Variants in FLNA observed in about 807,000 individuals in gnomAD.
FLNA encodes the protein filamin-A.
A neutral mutation model predicts 157.6 loss-of-function variants in FLNA; 7 were observed. That is an observed-to-expected ratio of 0.04 (90% confidence interval 0.03 to 0.08). The LOEUF (loss-of-function observed/expected upper bound fraction) is 0.08. Ranked by LOEUF, FLNA falls within the 10% of genes least tolerant of loss-of-function variation. The pLI, the probability that FLNA is intolerant of heterozygous loss-of-function variation, is 1.00. For synonymous variants in FLNA, 1,103 were observed against 1,060.8 expected, an observed-to-expected ratio of 1.04 and a Z score of -0.77; for missense variants, 1,750 against 2,398.4, an observed-to-expected ratio of 0.73 and a Z score of 5.65.
intron 47 of FLNA, 36 bp from the exon 48 acceptor site, chrX:154,349,072 C>A (rs782350084): frequency 6.2e-6 from 7 of 1,137,829 alleles, no homozygotes; most frequent in Non-Finnish European, 7.1e-6. Flanking sequence ...CAGGTCCCAG[C>A]CCCCTTCCTC....
At chrX:154,355,110 G>A (rs371671769) in intron 30 of FLNA, 38 bp from the exon 31 acceptor site, 52 of 1,182,205 alleles carry the variant, frequency 4.4e-5, no homozygotes, top group Admixed American at 6.7e-5. Flanking sequence ...GGGGGCCAGC[G>A]TGTGAGCTCG....
Position 154,352,348 on chromosome X carries a change from C to T in FLNA, c.6602G>A (p.Arg2201His), listed in dbSNP as rs368547421. 4.1e-6 allele frequency: 5 copies of T among 1,210,799 alleles called. No homozygotes were observed. In the African/African-American group the frequency reaches 7.0e-5, roughly 17 times the overall value. ...VEGENHTYCI[R>H]FVPAEMGTHT... ...TGTGCCCATCTCAGCGGGAACAAAGCGGATGCAGTAGGTGTGGTTCTCCCC... is the reference window on the plus strand; with the variant it reads ...TGTGCCCATCTCAGCGGGAACAAAGTGGATGCAGTAGGTGTGGTTCTCCCC... Residue 2201 changes from arginine to histidine, a missense_variant, in exon 41 of 48, where the codon CGC becomes CAC. By Grantham distance (29) the Arg-to-His change is conservative. Transcript: ENST00000369850.
Position 154,364,124 on chromosome X carries a change from G to C in FLNA, c.2178C>G (p.Asn726Lys). ...AGGAGCAGCTGTAAGTGCCATTGCCGTTGTCCTTGACCAACGCCTCCACAG... is the reference window on the plus strand; with the variant it reads ...AGGAGCAGCTGTAAGTGCCATTGCCCTTGTCCTTGACCAACGCCTCCACAG... Reference protein sequence around the residue: ...GCPVEALVKDNGNGTYSCSYV... With the variant: ...GCPVEALVKDKGNGTYSCSYV... The change falls in exon 15 of 48, where the codon AAC becomes AAG. Residue 726 changes from asparagine to lysine, a missense_variant. This residue lies in a region of FLNA where 648 missense variants were observed against 805.8 expected (regional missense o/e 0.80). Coordinates refer to ENST00000369850, the MANE Select transcript of FLNA (RefSeq NM_001110556.2). 4.1e-6 allele frequency: 5 copies of C among 1,210,899 alleles called. No homozygotes were observed. Among genetic ancestry groups the C allele is most frequent in the Non-Finnish European group, 5.6e-6 (5 of 895,073 alleles).
intron 9 of FLNA, 149 bp from the exon 10 acceptor site, chrX:154,365,635 C>A: frequency 1.3e-6 from 1 of 747,673 alleles, no homozygotes; most frequent in South Asian, 2.5e-5. Flanking sequence ...GGACTGTGAC[C>A]CCAGGAACTG....
At chrX:154,370,648 C>T (rs2067798295) in intron 2 of FLNA, among the ~76,000 whole-genome samples, 1 of 112,902 alleles carries the variant, frequency 8.9e-6, no homozygotes, top group East Asian at 2.8e-4. Context: ...GCCGGCCAGC[C>T]GGGGCGCAGC....
chrX:154,360,966 G>A (rs1603361351), intron 21 of FLNA, among the ~76,000 whole-genome samples: 2 of 93,714 alleles, frequency 2.1e-5, no homozygotes, highest in East Asian at 7.4e-4. Flanking sequence ...AGTATTGCTT[G>A]AAGCCAGGAG....
At position 154,364,511 on chromosome X, in the gene FLNA, C is replaced by T; in HGVS notation, c.2022+15G>A. 8.3e-7 allele frequency: 1 copy of T among 1,208,424 alleles called. No individual in the cohort carries two copies. The highest frequency in any genetic ancestry group is 1.1e-6 in the Non-Finnish European group (1 of 894,571). On this transcript the variant is annotated intron_variant, in intron 13 of 47. Coordinates refer to ENST00000369850, the MANE Select transcript of FLNA (RefSeq NM_001110556.2). ...CAGCAGGGCGAGACTTAGGCCATCA[C>T]AGCCTGCTCTTTACCCTGTCTGGGT...
rs782633612 is a variant in FLNA at position 154,366,344 on chromosome X, C to T, written c.1192G>A (p.Ala398Thr). The change falls in exon 8 of 48, where the codon GCC becomes ACC. Residue 398 changes from alanine (A) to threonine (T), a missense_variant. Transcript: ENST00000369850. ...ATCTCAAAGTAGGTGGTCTTGTTGG[C>T]GATGTTGCCACTGGGCTCCAGGCCG... is the stretch of plus-strand genomic sequence containing the variant. The part of the protein sequence containing the change: ...GPGLEPSGNI[A>T]NKTTYFEIFT... 2.5e-6 allele frequency: 3 copies of T among 1,212,232 alleles called. No homozygotes were observed. Among genetic ancestry groups the T allele is most frequent in the South Asian group, 1.8e-5 (1 of 57,048 alleles).
rs782427711 is a variant in FLNA at position 154,359,028 on chromosome X, T to A, written c.4430A>T (p.Lys1477Met). 1.7e-6 allele frequency: 2 copies of A among 1,211,180 alleles called. No individual in the cohort carries two copies. Among genetic ancestry groups the A allele is most frequent in the East Asian group, 5.9e-5 (2 of 33,854 alleles). ...GACCTGCAATGGGGCCACACCAGCC[T>A]TGCTTGTGTCCACCTGGAAGGACTG... ...LPQSFQVDTS[K>M]AGVAPLQVKV... Residue 1477 changes from lysine (K) to methionine (M), a missense_variant, in exon 26 of 48, where the codon AAG becomes ATG. By Grantham distance (95) the Lys-to-Met change is moderately conservative. Coordinates refer to ENST00000369850, the MANE Select transcript of FLNA (RefSeq NM_001110556.2).
chrX:154,359,938 G>A (rs1166490235), intron 22 of FLNA, 33 bp from the exon 23 acceptor site: 13 of 1,205,606 alleles, frequency 1.1e-5, no homozygotes, highest in Non-Finnish European at 1.5e-5. Context: ...CTTGGGGCTC[G>A]GGGGTTCTGG....
At position 154,364,096 on chromosome X, in the gene FLNA, C is replaced by T. The variant is rs1409855324; in HGVS notation, c.2206G>A (p.Val736Met). ...GTGTGCTTCACCGGCTTCCTGGGCA[C>T]GTAGGAGCAGCTGTAAGTGCCATTG... ...NGNGTYSCSY[V>M]PRKPVKHTAM... is the part of the protein sequence containing the mutation. Residue 736 changes from valine to methionine, a missense_variant, in exon 15 of 48, where the codon GTG becomes ATG. Around this residue, in one of 5 missense-constraint regions of FLNA, gnomAD observed 648 missense variants for 805.8 expected, o/e 0.80. Coordinates refer to ENST00000369850, the MANE Select transcript of FLNA (RefSeq NM_001110556.2). The T allele has an allele frequency of 8.3e-6, 10 of 1,209,396 alleles. No individual in the cohort carries two copies. Among genetic ancestry groups the T allele is most frequent in the South Asian group, 3.5e-5 (2 of 56,864 alleles).
intron 2 of FLNA, among the ~76,000 whole-genome samples, chrX:154,369,977 T>A (rs923765972): frequency 6.3e-5 from 7 of 111,627 alleles, no homozygotes; most frequent in African/African-American, 2.3e-4. Context: ...CTCTCCCTGT[T>A]CCACATCACC....
chrX:154,358,325 A>G lies in FLNA; in HGVS notation c.4629T>C (p.His1543=), dbSNP rs782674318. ...SPFKVKVLPT[H]DASKVKASGP... ...CACTGGCCTTCACCTTGCTGGCATCATGAGTAGGCAGCACCTTGACCTTGA... is the reference window on the plus strand; with the variant it reads ...CACTGGCCTTCACCTTGCTGGCATCGTGAGTAGGCAGCACCTTGACCTTGA... Residue 1543 remains histidine, a synonymous_variant, in exon 28 of 48, where the codon CAT becomes CAC. Transcript: ENST00000369850. 13 of 1,211,306 alleles carry G rather than the reference A, an allele frequency of 1.1e-5. No homozygotes were observed. The highest frequency in any genetic ancestry group is 1.3e-5 in the Non-Finnish European group (12 of 895,388).
At chrX:154,367,802 T>A (rs1557179622) in intron 3 of FLNA, 40 bp downstream of exon 3, 1 of 1,210,261 alleles carries the variant, frequency 8.3e-7, no homozygotes. Context: ...CACCCATGGG[T>A]GACCCCAGCC....
In FLNA at chrX:154,348,535, G is replaced by T; in HGVS notation, c.*314C>A. ...AAGCTACAGCCACGCAAAGGAGAATGGAAGCAAAACTTTATTCCTCTTGGC... is the reference window on the plus strand; with the variant it reads ...AAGCTACAGCCACGCAAAGGAGAATTGAAGCAAAACTTTATTCCTCTTGGC... On this transcript the variant is annotated 3_prime_UTR_variant, in exon 48 of 48. Transcript: ENST00000369850. 3.4e-6 allele frequency: 1 copy of T among 296,288 alleles called. No homozygotes were observed. The allele number at this position is 296,288 out of a possible 1,213,427, so 24.4% of individuals were successfully genotyped here. A position where few individuals can be genotyped will look rare whatever the true frequency, so the allele number is the denominator to read the frequency against.
At chrX:154,373,962 A>G (rs1442658725) in intron 1 of FLNA, among the ~76,000 whole-genome samples, 1 of 113,010 alleles carries the variant, frequency 8.8e-6, no homozygotes, top group African/African-American at 3.2e-5. Flanking sequence ...CCCAGGGCCC[A>G]ACCAAGGAAC....
In FLNA at chrX:154,354,418, A is replaced by G. The variant is rs782054946; in HGVS notation, c.5379T>C (p.Leu1793=). ...CCTTCTTGATGGTGAAGGGGATGAC[A>G]AGGTCAAAGGGCCTCAGGCTGGTCA... ...LDVTSLRPFD[L]VIPFTIKKGE... is the part of the protein sequence containing the mutation. Residue 1793 remains leucine, a synonymous_variant, in exon 33 of 48, where the codon CTT becomes CTC. Coordinates refer to ENST00000369850, the MANE Select transcript of FLNA (RefSeq NM_001110556.2). 8.3e-7 allele frequency: 1 copy of G among 1,210,674 alleles called. No individual in the cohort carries two copies. The highest frequency in any genetic ancestry group is 1.7e-5 in the African/African-American group (1 of 57,571).
chrX:154,362,794 A>C lies in FLNA; in HGVS notation c.2281-10T>G, dbSNP rs782248197. ...CAGCTCCCACATTCACCTGCAGGGC[A>C]CAGGGGCAAGGGCAAGGGCATGAGC... On this transcript the variant is annotated splice_polypyrimidine_tract_variant and intron_variant, in intron 15 of 47. Transcript: ENST00000369850. 5.0e-6 allele frequency: 6 copies of C among 1,195,331 alleles called. No individual in the cohort carries two copies. The East Asian group carries it at 1.2e-4, about 24-fold the overall frequency.
At chrX:154,352,154 G>C (rs1415944572) in intron 41 of FLNA, 27 bp downstream of exon 41, 1 of 1,209,613 alleles carries the variant, frequency 8.3e-7, no homozygotes, top group African/African-American at 1.7e-5. Flanking sequence ...GCAGGAGAGC[G>C]AGCACTCGGG....
Sources: allele counts gnomAD v4.1 joint callset (sites outside exome capture counted in the v4.1 genomes callset), GRCh38; gene constraint gnomAD v4.1.1; regional missense constraint gnomAD v4.1.1; transcripts MANE v1.5; gene names NCBI Gene and HGNC (gene_info 2026-07-23, HGNC 2026-07-21).